Variants in FHIP1B observed in about 807,000 individuals in gnomAD.
FHIP1B encodes FHF complex subunit HOOK-interacting protein 1B.
FHIP1B carries 28 observed loss-of-function variants against 82.2 expected under a neutral mutation model. That is an observed-to-expected ratio of 0.34 (90% CI 0.25 to 0.47). FHIP1B has a LOEUF of 0.47. FHIP1B is among the 20% of genes least tolerant of loss of function. The pLI is 1.00. For synonymous variants in FHIP1B, 585 were observed against 516.1 expected, an observed-to-expected ratio of 1.13 and a Z score of -1.81; for missense variants, 1,110 against 1,262.6, an observed-to-expected ratio of 0.88 and a Z score of 1.83.
At chr11:6,224,803 T>C in intron 1 of FHIP1B, 96 bp from the exon 2 acceptor site, 1 of 385,652 alleles carries the variant, frequency 2.6e-6, no homozygotes. Flanking sequence ...CACCTATATA[T>C]ACATACACAC....
intron 6 of FHIP1B, among the ~76,000 whole-genome samples, chr11:6,219,444 G>A (rs1161514123): frequency 6.6e-6 from 1 of 152,220 alleles, no homozygotes; most frequent in Non-Finnish European, 1.5e-5. Flanking sequence ...ATGCCTGCCA[G>A]AAGGGACTGT....
intron 11 of FHIP1B, 114 bp from the exon 12 acceptor site, chr11:6,211,981 G>A: frequency 2.1e-6 from 3 of 1,433,330 alleles, no homozygotes; most frequent in Non-Finnish European, 2.7e-6. Flanking sequence ...AGGGTTCTGA[G>A]GAAATGGAAA....
intron 7 of FHIP1B, 80 bp downstream of exon 7, chr11:6,218,891 A>T: frequency 6.4e-7 from 1 of 1,567,280 alleles, no homozygotes; most frequent in Non-Finnish European, 8.8e-7. Flanking sequence ...AGTAACCCCT[A>T]TATAGCCCAT....
rs761608667 is a variant in FHIP1B, at chr11:6,224,123, C to T, written c.264G>A (p.Ser88=). 33 of 1,613,944 alleles carry T rather than the reference C, an allele frequency of 2.0e-5. No homozygotes were observed. Among genetic ancestry groups the T allele is most frequent in the Admixed American group, 3.3e-5 (2 of 60,002 alleles). ...TLLAEDRAVP[S]APTGPGPLLE... ...GCAGGGGCCCAGGGCCTGTGGGGGC[C>T]GAGGGAACTGCACGGTCCTCTGCCA... Residue 88 remains serine, a synonymous_variant, in exon 3 of 12, where the codon TCG becomes TCA. Coordinates refer to ENST00000449352, the MANE Select transcript of FHIP1B (RefSeq NM_001098794.2).
At position 6,217,766 on chromosome 11, in the gene FHIP1B, C is replaced by A; in HGVS notation, c.1820G>T (p.Gly607Val). The change falls in exon 9 of 12, where the codon GGG (glycine) becomes GTG (valine). Residue 607 changes from glycine (G) to valine (V), a missense_variant. Physicochemically the swap from Gly to Val is moderately radical, Grantham distance 109 (BLOSUM62 -3). Around this residue, in one of 6 missense-constraint regions of FHIP1B, gnomAD observed 418 missense variants for 371.4 expected, o/e 1.13. Coordinates refer to ENST00000449352, the MANE Select transcript of FHIP1B (RefSeq NM_001098794.2). Reference protein sequence around the residue: ...LLPEEDRNNVGEGEEEELGRR... With the variant: ...LLPEEDRNNVVEGEEEELGRR... ...CCCCAGCTCTTCCTCCTCCCCTTCC[C>A]CCACGTTGTTCCTGTCCTCCTCAGG... 1 of 1,609,000 alleles carries A rather than the reference C, an allele frequency of 6.2e-7. No homozygotes were observed. Among genetic ancestry groups the A allele is most frequent in the Non-Finnish European group, 8.5e-7 (1 of 1,176,950 alleles).
At chr11:6,224,938 C>A (rs140280985) in intron 1 of FHIP1B, among the ~76,000 whole-genome samples, 210 of 152,316 alleles carry the variant, frequency 1.4e-3, no homozygotes, top group Admixed American at 4.1e-3. Flanking sequence ...AATGCTCAAG[C>A]TGAAAATGTG....
Position 6,217,883 on chromosome 11 carries a change from G to A in FHIP1B, c.1703C>T (p.Ala568Val). 6.2e-7 allele frequency: 1 copy of A among 1,613,408 alleles called. No homozygotes were observed. Among genetic ancestry groups the A allele is most frequent in the Non-Finnish European group, 8.5e-7 (1 of 1,180,016 alleles). The change falls in exon 9 of 12, where the codon GCC (alanine) becomes GTC (valine). Residue 568 changes from alanine to valine, a missense_variant. Physicochemically the swap from Ala to Val is moderately conservative, Grantham distance 64 (BLOSUM62 0). Around this residue, in one of 6 missense-constraint regions of FHIP1B, gnomAD observed 418 missense variants for 371.4 expected, o/e 1.13. Coordinates refer to ENST00000449352, the MANE Select transcript of FHIP1B (RefSeq NM_001098794.2). ...ATAGGGGGCAGACCAGGTACGGCAG[G>A]CTCGGACACAGCGGTCCACACCACG... is the stretch of plus-strand genomic sequence containing the variant. The part of the protein sequence containing the change: ...ARRGVDRCVR[A>V]CRTWSAPYDG...
intron 1 of FHIP1B, among the ~76,000 whole-genome samples, chr11:6,234,195 C>T (rs1421159095): frequency 6.6e-6 from 1 of 152,056 alleles, no homozygotes; most frequent in Non-Finnish European, 1.5e-5. Flanking sequence ...GCCGCCACCC[C>T]GCAGGCTCCC....
At chr11:6,222,785 T>G in intron 5 of FHIP1B, 26 bp downstream of exon 5, 1 of 1,611,312 alleles carries the variant, frequency 6.2e-7, no homozygotes, top group Non-Finnish European at 8.5e-7. Context: ...TAGCCCCTTA[T>G]ATGCCTTGCC....
Position 6,222,590 on chromosome 11 carries a change from A to G in FHIP1B, c.1043T>C (p.Ile348Thr), listed in dbSNP as rs1437613559. 1 of 1,614,124 alleles carries G rather than the reference A, an allele frequency of 6.2e-7. No individual in the cohort carries two copies. The highest frequency in any genetic ancestry group is 1.1e-5 in the South Asian group (1 of 91,082). ...ALHKTSVEEM[I>T]ASTAYLELFL... ...AAGTTCCAGATAGGCGGTACTGGCG[A>G]TCATCTCCTCCACAGAGGTCTGCAC... The change falls in exon 6 of 12, where the codon ATC becomes ACC. Residue 348 changes from isoleucine (I) to threonine (T), a missense_variant. Physicochemically the swap from Ile to Thr is moderately conservative, Grantham distance 89 (BLOSUM62 -1). Coordinates refer to ENST00000449352, the MANE Select transcript of FHIP1B (RefSeq NM_001098794.2).
At position 6,222,501 on chromosome 11, in the gene FHIP1B, G is replaced by A. The variant is rs756424921; in HGVS notation, c.1132C>T (p.Arg378Trp). The change falls in exon 6 of 12, where the codon CGG (arginine) becomes TGG (tryptophan). Residue 378 changes from arginine (R) to tryptophan (W), a missense_variant. This residue lies in a region of FHIP1B where 467 missense variants were observed against 602.9 expected (regional missense o/e 0.77). Coordinates refer to ENST00000449352, the MANE Select transcript of FHIP1B (RefSeq NM_001098794.2). The part of the protein sequence containing the change: ...RTFLRFLLLH[R>W]HDTHTILDTL... ...TCGAGGATGGTGTGGGTGTCATGCC[G>A]GTGCAACAACAGGAATCGCAGGAAG... The A allele has an allele frequency of 4.3e-6, 7 of 1,613,918 alleles. No homozygotes were observed. The highest frequency in any genetic ancestry group is 2.2e-5 in the South Asian group (2 of 91,072).
intron 11 of FHIP1B, among the ~76,000 whole-genome samples, chr11:6,213,921 C>A (rs1847145285): frequency 6.6e-6 from 1 of 151,616 alleles, no homozygotes; most frequent in African/African-American, 2.4e-5. Flanking sequence ...CTAAAACATC[C>A]CAACTTCTAC....
rs1311125643 is a variant in FHIP1B, at chr11:6,216,944, G to C, written c.2215+427C>G. 1.1e-5 allele frequency: 7 copies of C among 621,298 alleles called. No individual in the cohort carries two copies. In the African/African-American group the frequency reaches 1.3e-4, roughly 11 times the overall value. The allele number at this position is 621,298 out of a possible 1,614,324, so 38.5% of individuals were successfully genotyped here. On this transcript the variant is annotated intron_variant, in intron 9 of 11. Coordinates refer to ENST00000449352, the MANE Select transcript of FHIP1B (RefSeq NM_001098794.2). Reference sequence around the variant, plus strand: ...TGACAGAAAACCCAAGACCCAGACAGATAAACTGGACGGAATGGCATAGAG... The same window carrying C: ...TGACAGAAAACCCAAGACCCAGACACATAAACTGGACGGAATGGCATAGAG...
In FHIP1B at chr11:6,224,715, A is replaced by C. The variant is rs554556858; in HGVS notation, c.-191-8T>G. The C allele has an allele frequency of 1.6e-5, 9 of 579,724 alleles. No individual in the cohort carries two copies. In the South Asian group the frequency reaches 1.8e-4, roughly 12 times the overall value. 35.9% of individuals were successfully genotyped at this position (579,724 alleles called of 1,614,324 possible). A position where few individuals can be genotyped will look rare whatever the true frequency, so the allele number is the denominator to read the frequency against. Reference sequence around the variant, plus strand: ...CAGTCCAGATTTCTAAATCTAATTCAGAGAAGAGATAATGGAAGGGATAAA... The same window carrying C: ...CAGTCCAGATTTCTAAATCTAATTCCGAGAAGAGATAATGGAAGGGATAAA... On this transcript the variant is annotated splice_region_variant and splice_polypyrimidine_tract_variant and intron_variant, in intron 1 of 11. Coordinates refer to ENST00000449352, the MANE Select transcript of FHIP1B (RefSeq NM_001098794.2).
chr11:6,217,269 T>C (rs1248590729), intron 9 of FHIP1B, 102 bp downstream of exon 9: 1 of 1,043,300 alleles, frequency 9.6e-7, no homozygotes, highest in South Asian at 1.3e-5. Flanking sequence ...GCTAGGCAAG[T>C]ACACAGAAAT....
chr11:6,218,894 T>C (rs753569407), intron 7 of FHIP1B, 77 bp downstream of exon 7: 8 of 1,569,358 alleles, frequency 5.1e-6, no homozygotes, highest in Middle Eastern at 1.7e-4. Flanking sequence ...AACCCCTATA[T>C]AGCCCATTGC....
At chr11:6,211,986 T>C (rs1433304161) in intron 11 of FHIP1B, 119 bp from the exon 12 acceptor site, 2 of 1,429,280 alleles carry the variant, frequency 1.4e-6, no homozygotes, top group Non-Finnish European at 1.8e-6. Flanking sequence ...TCTGAGGAAA[T>C]GGAAAAAAGG....
Position 6,214,482 on chromosome 11 carries a change from A to G in FHIP1B, c.2486T>C (p.Ile829Thr), listed in dbSNP as rs752434654. The change falls in exon 11 of 12, where the codon ATT (isoleucine) becomes ACT (threonine). Residue 829 changes from isoleucine to threonine, a missense_variant. Physicochemically the swap from Ile to Thr is moderately conservative, Grantham distance 89. Around this residue, in one of 6 missense-constraint regions of FHIP1B, gnomAD observed 147 missense variants for 154.0 expected, o/e 0.95. Transcript: ENST00000449352. ...ALLSKAKKYL[I>T]ARGKLDWAEG... ...AGCCCAGTCCAACTTGCCACGGGCA[A>G]TGAGGTACTTCTTGGCTTTGGACAG... is the stretch of plus-strand genomic sequence containing the variant. 1.5e-5 allele frequency: 24 copies of G among 1,614,192 alleles called. No homozygotes were observed. Among genetic ancestry groups the G allele is most frequent in the Non-Finnish European group, 1.9e-5 (23 of 1,180,034 alleles).
chr11:6,216,248 A>G (rs913837646), intron 9 of FHIP1B, among the ~76,000 whole-genome samples: 5 of 152,244 alleles, frequency 3.3e-5, no homozygotes, highest in African/African-American at 1.2e-4. Flanking sequence ...CTGGTGCTGT[A>G]TGAGCAGGAT....
Sources: gnomAD v4.1 joint callset for allele counts (sites outside exome capture counted in the v4.1 genomes callset) on GRCh38, gnomAD v4.1.1 for gene constraint, gnomAD v4.1.1 regional missense constraint, MANE v1.5 for transcripts, NCBI Gene and HGNC (gene_info 2026-07-23, HGNC 2026-07-21) for gene names.